Variants in RCAN1 observed in about 807,000 individuals in gnomAD.
RCAN1 encodes the protein regulator of calcineurin 1.
A neutral mutation model predicts 22.9 loss-of-function variants in RCAN1; 11 were observed. The observed-to-expected ratio is 0.48, with a 90% CI of 0.30 to 0.79. RCAN1 has a LOEUF of 0.79. RCAN1 is among the 30% of genes least tolerant of loss of function. RCAN1 has a pLI of 0.06. For synonymous variants in RCAN1, 136 were observed against 142.3 expected, an observed-to-expected ratio of 0.96 and a Z score of 0.32; for missense variants, 291 against 337.8, an observed-to-expected ratio of 0.86 and a Z score of 1.09.
At chr21:34,611,037 T>C (rs1221010938) in intron 1 of RCAN1, among the ~76,000 whole-genome samples, 1 of 152,226 alleles carries the variant, frequency 6.6e-6, no homozygotes, top group Non-Finnish European at 1.5e-5. Context: ...AGGGTATTTG[T>C]TTCCATTACT....
At position 34,614,537 on chromosome 21, in the gene RCAN1, T is replaced by G; in HGVS notation, c.252+223A>C. Reference sequence around the variant, plus strand: ...GGGGGCCGGGGCGAGCCTGTGGGACTCTGCAGTGAGCTCCGCGCGCCCCGG... The same window carrying G: ...GGGGGCCGGGGCGAGCCTGTGGGACGCTGCAGTGAGCTCCGCGCGCCCCGG... On this transcript the variant is annotated intron_variant, in intron 1 of 3. Coordinates refer to ENST00000313806, the MANE Select transcript of RCAN1 (RefSeq NM_004414.7). The surrounding 1 kb of genome is among the most constrained non-coding windows in gnomAD (Gnocchi z 6.0). 1 of 1,029,512 alleles carries G rather than the reference T, an allele frequency of 9.7e-7. No homozygotes were observed. The highest frequency in any genetic ancestry group is 1.2e-6 in the Non-Finnish European group (1 of 849,340). The allele number at this position is 1,029,512 out of a possible 1,614,324, so 63.8% of individuals were successfully genotyped here.
intron 1 of RCAN1, among the ~76,000 whole-genome samples, chr21:34,585,769 A>G (rs1987773420): frequency 6.6e-6 from 1 of 150,830 alleles, no homozygotes; most frequent in South Asian, 2.1e-4. Flanking sequence ...AAAAAACATA[A>G]TTCAAAGGAA....
intron 1 of RCAN1, chr21:34,524,358 C>T (rs1984844392): frequency 6.5e-6 from 1 of 152,778 alleles, no homozygotes; most frequent in Admixed American, 6.5e-5. Flanking sequence ...CCATGTTTCT[C>T]TGTCCTATGG....
intron 1 of RCAN1, among the ~76,000 whole-genome samples, chr21:34,585,482 A>C (rs554097641): frequency 1.3e-5 from 2 of 152,134 alleles, no homozygotes; most frequent in African/African-American, 4.8e-5. Context: ...AGTGGCTCAC[A>C]CCTGTAATCC....
chr21:34,610,348 A>G (rs370787658), intron 1 of RCAN1, among the ~76,000 whole-genome samples: 11 of 152,274 alleles, frequency 7.2e-5, no homozygotes, highest in African/African-American at 2.4e-4. Flanking sequence ...AGTGAGCAGC[A>G]CCCATTAAGG....
intron 1 of RCAN1, among the ~76,000 whole-genome samples, chr21:34,546,013 T>C (rs1986120047): frequency 6.6e-6 from 1 of 152,246 alleles, no homozygotes; most frequent in African/African-American, 2.4e-5. Context: ...GTATCTTAAC[T>C]GGATCTCTGT....
At chr21:34,522,920 TG>T (rs1404259191) in intron 2 of RCAN1, 1 of 152,188 alleles carries the variant, frequency 6.6e-6, no homozygotes, top group Non-Finnish European at 1.5e-5. Context: ...AAAATGGTAG[TG>T]GGCAGGAGAA....
intron 1 of RCAN1, among the ~76,000 whole-genome samples, chr21:34,529,791 T>C (rs1417157728): frequency 6.6e-6 from 1 of 152,162 alleles, no homozygotes; most frequent in East Asian, 1.9e-4. Context: ...TCAACTTGAA[T>C]TGTATCTCCC....
chr21:34,577,880 T>C (rs1987464264), intron 1 of RCAN1, among the ~76,000 whole-genome samples: 1 of 151,698 alleles, frequency 6.6e-6, no homozygotes, highest in Non-Finnish European at 1.5e-5. Context: ...GCACAAACAG[T>C]GGAGTGGATG....
intron 1 of RCAN1, chr21:34,524,780 T>TG (rs1984886560): frequency 7.0e-6 from 2 of 287,282 alleles, no homozygotes; most frequent in Non-Finnish European, 1.3e-5. Context: ...AAGCTCGAGG[T>TG]GGGGGATTAC....
intron 1 of RCAN1, among the ~76,000 whole-genome samples, chr21:34,589,219 G>C (rs1225674164): frequency 6.6e-6 from 1 of 152,142 alleles, no homozygotes; most frequent in Non-Finnish European, 1.5e-5. Context: ...GCATAATAAA[G>C]ATTGTATTCA....
Position 34,614,760 on chromosome 21 carries a change from C to T in RCAN1, c.252G>A (p.Arg84=). Residue 84 remains arginine, a splice_region_variant and synonymous_variant, in exon 1 of 4, where the codon CGG becomes CGA. Transcript: ENST00000313806. This position sits in a 1 kb window ranked among gnomAD's most constrained non-coding sequence, Gnocchi z 6.0. The part of the protein sequence containing the change: ...DPRVFVDGLC[R]AKFESLFRTY... ...ACGGCCCGCCCGGCGCGGTCCTCAC[C>T]CGGCACAGGCCGTCCACGAACACGC... 2 of 1,440,246 alleles carry T rather than the reference C, an allele frequency of 1.4e-6. No homozygotes were observed. The highest frequency in any genetic ancestry group is 1.8e-6 in the Non-Finnish European group (2 of 1,091,958). 89.2% of individuals were successfully genotyped at this position (1,440,246 alleles called of 1,614,324 possible).
intron 1 of RCAN1, among the ~76,000 whole-genome samples, chr21:34,533,841 C>T (rs9984897): frequency 0.36 from 55,428 of 151,990 alleles, 11,232 homozygotes; most frequent in African/African-American, 0.56. Context: ...GGGAGTGAAC[C>T]GTTGGATGCT....
chr21:34,549,336 C>G (rs1213059862), intron 1 of RCAN1, among the ~76,000 whole-genome samples: 2 of 152,198 alleles, frequency 1.3e-5, no homozygotes, highest in Non-Finnish European at 2.9e-5. Context: ...AAGACTTAAC[C>G]TATGCCCTTG....
chr21:34,574,455 G>A (rs927546061), intron 1 of RCAN1, among the ~76,000 whole-genome samples: 1 of 152,236 alleles, frequency 6.6e-6, no homozygotes, highest in Non-Finnish European at 1.5e-5. Flanking sequence ...AGAAAGACAT[G>A]AGATTTAGGA....
At chr21:34,526,708 A>C in intron 1 of RCAN1, 1 of 1,613,882 alleles carries the variant, frequency 6.2e-7, no homozygotes, top group Non-Finnish European at 8.5e-7. Context: ...CCACACAGGC[A>C]ATCAGGGAGC....
At chr21:34,553,630 C>A (rs183218640) in intron 1 of RCAN1, among the ~76,000 whole-genome samples, 21 of 152,238 alleles carry the variant, frequency 1.4e-4, no homozygotes, top group African/African-American at 4.8e-4. Context: ...ATTTAAAAAT[C>A]TTAACTCTAA....
chr21:34,531,609 C>T (rs1985394174), intron 1 of RCAN1, among the ~76,000 whole-genome samples: 1 of 152,200 alleles, frequency 6.6e-6, no homozygotes, highest in Non-Finnish European at 1.5e-5. Context: ...GGTCACGTTC[C>T]TCTCCCGCTG....
intron 1 of RCAN1, chr21:34,559,121 T>C (rs1054249975): frequency 1.1e-4 from 17 of 152,154 alleles, no homozygotes; most frequent in Non-Finnish European, 2.4e-4. Flanking sequence ...CACTGGAAAT[T>C]GAGAGAATGC....
Sources: allele counts gnomAD v4.1 joint callset (sites outside exome capture counted in the v4.1 genomes callset), GRCh38; gene constraint gnomAD v4.1.1; non-coding constraint Gnocchi (gnomAD v3.1); transcripts MANE v1.5; gene names NCBI Gene and HGNC (gene_info 2026-07-23, HGNC 2026-07-21).